Variants in CUL4A observed in about 807,000 individuals in gnomAD.
CUL4A encodes the protein cullin 4A, also known as cullin-4A.
Under a neutral mutation model 95.5 loss-of-function variants are expected in CUL4A, and 16 were observed. The observed-to-expected ratio is 0.17, with a 90% CI of 0.11 to 0.25. The LOEUF (loss-of-function observed/expected upper bound fraction) is 0.25, where lower values mean the gene tolerates loss of function less well. CUL4A is among the 10% of genes least tolerant of loss of function. CUL4A has a pLI of 1.00. For synonymous variants in CUL4A, 380 were observed against 353.1 expected, an observed-to-expected ratio of 1.08 and a Z score of -0.85; for missense variants, 610 against 937.0, an observed-to-expected ratio of 0.65 and a Z score of 4.56.
At chr13:113,242,842 A>G (rs1449832236) in intron 10 of CUL4A, 126 bp from the exon 11 acceptor site, 27 of 698,120 alleles carry the variant, frequency 3.9e-5, no homozygotes, top group Middle Eastern at 3.0e-4. Context: ...TGAAACTTTT[A>G]AAGTTATTGA....
chr13:113,208,743 G>A (rs184355597), upstream of CUL4A: 2 of 1,482,832 alleles, frequency 1.3e-6, no homozygotes, highest in Non-Finnish European at 1.8e-6. Context: ...GCCCCGCCGC[G>A]GGTGCGCAGG....
Position 113,255,051 on chromosome 13 carries a change from A to T in CUL4A, c.1957A>T (p.Lys653Ter). 6.2e-7 allele frequency: 1 copy of T among 1,614,158 alleles called. No individual in the cohort carries two copies. The part of the protein sequence containing the change: ...PKGKEVEDGD[K>*]FIFNGEFKHK... ...AGGAAAGGAAGTGGAAGATGGAGAC[A>T]AGTTCATTTTTAATGGAGAGTTCAA... Residue 653 changes from lysine (K) to a stop codon, truncating the protein, a stop_gained, in exon 18 of 20, where the codon AAG becomes TAG. Transcript: ENST00000375440. LOFTEE classifies it high-confidence loss of function.
intron 8 of CUL4A, 56 bp downstream of exon 8, chr13:113,235,201 C>T: frequency 1.6e-6 from 2 of 1,221,562 alleles, no homozygotes; most frequent in Non-Finnish European, 2.4e-6. Flanking sequence ...GGAAGGTTCT[C>T]CTGGCTGGTT....
chr13:113,229,141 C>A (rs755573536), intron 4 of CUL4A, among the ~76,000 whole-genome samples: 3 of 151,924 alleles, frequency 2.0e-5, no homozygotes, highest in Non-Finnish European at 4.4e-5. Context: ...AGAAAAATGA[C>A]CAAATTTAAA....
At position 113,232,091 on chromosome 13, in the gene CUL4A, TTACTGTCACCACTACCC is replaced by T. The variant is rs1566343130; in HGVS notation, c.513-1085_513-1069del. On this transcript the variant is annotated intron_variant, in intron 5 of 19. Coordinates refer to ENST00000375440, the MANE Select transcript of CUL4A (RefSeq NM_001008895.4). ...TGTCACCACTACCCGCCCACCACCA[TTACTGTCACCACTACCC>T]GCCCACCACCATTACTGTCACCACT... Among the ~76,000 whole-genome samples the T allele has an allele frequency of 2.0e-3, 255 of 125,156 alleles. 41 individuals are homozygous for T. The highest frequency in any genetic ancestry group is 7.4e-3 in the African/African-American group (223 of 30,270). The allele number at this position is 125,156 out of a possible 152,430, so 82.1% of individuals were successfully genotyped here.
rs139644134 is a variant in CUL4A at position 113,217,246 on chromosome 13, G to A, written c.265-1699G>A. 3.2e-4 allele frequency among the ~76,000 whole-genome samples: 48 copies of A among 152,244 alleles called. 2 individuals are homozygous for A. In the East Asian group the frequency reaches 7.5e-3, roughly 24 times the overall value. On this transcript the variant is annotated intron_variant, in intron 2 of 19. Transcript: ENST00000375440. ...TAACTACTGGAGCAAAACCTTTGTC[G>A]TAAAGTTCTCTTGGTTGTTTGAGGA...
intron 17 of CUL4A, 56 bp from the exon 18 acceptor site, chr13:113,254,894 CTGT>C: frequency 6.3e-7 from 1 of 1,598,872 alleles, no homozygotes; most frequent in Non-Finnish European, 8.5e-7. Flanking sequence ...GATTGGTTTA[CTGT>C]TGTTGAGTCT....
rs775102942 is a variant in CUL4A, at chr13:113,253,100, G to A, written c.1657G>A (p.Val553Ile). Residue 553 changes from valine to isoleucine, a missense_variant, in exon 16 of 20, where the codon GTA (valine) becomes ATA (isoleucine). By Grantham distance (29) the Val-to-Ile change is conservative. Around this residue, in one of 10 missense-constraint regions of CUL4A, gnomAD observed 44 missense variants for 75.6 expected, o/e 0.58. Coordinates refer to ENST00000375440, the MANE Select transcript of CUL4A (RefSeq NM_001008895.4). ...TTAACAGATGATTAAACTTCAGGAA[G>A]TATTTAAGGCATTTTATCTTGGAAA... ...LTPEMIKLQE[V>I]FKAFYLGKHS... The A allele has an allele frequency of 6.2e-7, 1 of 1,601,806 alleles. No individual in the cohort carries two copies. The highest frequency in any genetic ancestry group is 8.5e-7 in the Non-Finnish European group (1 of 1,172,140).
In CUL4A at chr13:113,210,108, T is replaced by C; in HGVS notation, c.264+20T>C. The C allele has an allele frequency of 6.9e-7, 1 of 1,450,100 alleles. No individual in the cohort carries two copies. Among genetic ancestry groups the C allele is most frequent in the Non-Finnish European group, 9.2e-7 (1 of 1,087,996 alleles). The allele number at this position is 1,450,100 out of a possible 1,614,324, so 89.8% of individuals were successfully genotyped here. On this transcript the variant is annotated intron_variant, in intron 2 of 19. Coordinates refer to ENST00000375440, the MANE Select transcript of CUL4A (RefSeq NM_001008895.4). ...TACCAGGTGAGGCGGCGGCCGGGGC[T>C]GGGGACGCCGCTCCTGCCCCGCGTG...
intron 5 of CUL4A, among the ~76,000 whole-genome samples, chr13:113,231,465 G>C (rs963821381): frequency 6.6e-6 from 1 of 152,160 alleles, no homozygotes. Flanking sequence ...GGGAGGGATA[G>C]AGCTGATGAG....
intron 2 of CUL4A, among the ~76,000 whole-genome samples, chr13:113,216,907 G>A (rs2040715268): frequency 6.6e-6 from 1 of 152,180 alleles, no homozygotes; most frequent in Admixed American, 6.5e-5. Flanking sequence ...GTTACCCAGG[G>A]CTTGCCACTT....
intron 11 of CUL4A, among the ~76,000 whole-genome samples, chr13:113,243,582 A>G (rs2041780548): frequency 6.6e-6 from 1 of 152,142 alleles, no homozygotes; most frequent in South Asian, 2.1e-4. Flanking sequence ...TTCTCTAGTC[A>G]GTAAAATTTT....
At chr13:113,235,040 C>A (rs765376059) in intron 7 of CUL4A, 23 bp from the exon 8 acceptor site, 2 of 1,495,674 alleles carry the variant, frequency 1.3e-6, no homozygotes, top group East Asian at 2.3e-5. Context: ...GTTACTGATA[C>A]ATTTAATTGT....
At position 113,229,531 on chromosome 13, in the gene CUL4A, C is replaced by T. The variant is rs1255345167; in HGVS notation, c.512+12C>T. 1.2e-6 allele frequency: 2 copies of T among 1,610,074 alleles called. No homozygotes were observed. Among genetic ancestry groups the T allele is most frequent in the Non-Finnish European group, 1.7e-6 (2 of 1,177,922 alleles). On this transcript the variant is annotated intron_variant, in intron 5 of 19. Coordinates refer to ENST00000375440, the MANE Select transcript of CUL4A (RefSeq NM_001008895.4). ...CTGCCCTCCATCTGGTGAGTGTCCT[C>T]ACAGCGCAGAGCTGCGTCTTCCCTG...
At chr13:113,259,601 T>G (rs1027391356) in intron 18 of CUL4A, among the ~76,000 whole-genome samples, 1 of 152,176 alleles carries the variant, frequency 6.6e-6, no homozygotes, top group Non-Finnish European at 1.5e-5. Flanking sequence ...ATCAAGATGG[T>G]CATGTAATCT....
intron 18 of CUL4A, among the ~76,000 whole-genome samples, chr13:113,258,182 G>A (rs1186035713): frequency 6.6e-6 from 1 of 151,980 alleles, no homozygotes; most frequent in East Asian, 1.9e-4. Flanking sequence ...GTAGAGATGA[G>A]GCCTTGCCAT....
intron 8 of CUL4A, among the ~76,000 whole-genome samples, chr13:113,235,827 C>T (rs761644361): frequency 2.0e-5 from 3 of 152,006 alleles, no homozygotes; most frequent in Non-Finnish European, 2.9e-5. Flanking sequence ...AAAAATTAGC[C>T]GGGCGTGGTG....
intron 5 of CUL4A, among the ~76,000 whole-genome samples, chr13:113,232,135 CCCGCCCACCACCATTA>C (rs2041353636): frequency 6.8e-6 from 1 of 146,116 alleles, no homozygotes; most frequent in East Asian, 2.0e-4. Context: ...GTCACCACTA[CCCGCCCACCACCATTA>C]CTGCTGCCAC....
chr13:113,218,237 C>CAA (rs34265141), intron 2 of CUL4A, among the ~76,000 whole-genome samples: 15 of 144,738 alleles, frequency 1.0e-4, no homozygotes, highest in South Asian at 8.6e-4. Context: ...GACTCCAACT[C>CAA]AAAAAAAAAA....
Sources: gnomAD v4.1 joint callset for allele counts (sites outside exome capture counted in the v4.1 genomes callset) on GRCh38, gnomAD v4.1.1 for gene constraint, gnomAD v4.1.1 regional missense constraint, MANE v1.5 for transcripts, NCBI Gene and HGNC (gene_info 2026-07-23, HGNC 2026-07-21) for gene names.